Variants in IARS1 observed in about 807,000 individuals in gnomAD.
IARS1 encodes the protein isoleucyl-tRNA synthetase 1.
In IARS1, 124 loss-of-function variants were observed where a neutral mutation model predicts 168.2. The observed-to-expected ratio is 0.74, with a 90% CI of 0.64 to 0.86. The LOEUF is 0.86. Among genes scored for constraint, IARS1 ranks in the 40% least tolerant of loss-of-function variants. IARS1 has a pLI of 0.00. For synonymous variants in IARS1, 532 were observed against 529.4 expected (o/e 1.00, Z -0.07); for missense variants, 1,452 against 1,515.8 (o/e 0.96, Z 0.70).
chr9:92,215,213 T>C (rs928204660), intron 33 of IARS1, among the ~76,000 whole-genome samples: 9 of 152,230 alleles, frequency 5.9e-5, no homozygotes, highest in Admixed American at 5.2e-4. Context: ...TTGAGGGTCC[T>C]GTCTGTCAGA....
intron 20 of IARS1, among the ~76,000 whole-genome samples, chr9:92,254,226 T>C (rs1184059247): frequency 2.0e-5 from 3 of 152,116 alleles, no homozygotes; most frequent in Admixed American, 6.6e-5. Flanking sequence ...ATTTGAAGAG[T>C]TCCCTGAGAA....
In IARS1 at chr9:92,250,254, AC is replaced by A. The variant is rs1829819066; in HGVS notation, c.2464del (p.Val822TyrfsTer7). ...TTCAATCACAGACTGCATCTGAGATACTGCACTCTCTGTTTTCTTGTCAATC... is the reference window on the plus strand; with the variant it reads ...TTCAATCACAGACTGCATCTGAGATATGCACTCTCTGTTTTCTTGTCAATC... ...ELIDKKTESA[V>X]SQMQSVIELG... On this transcript the variant is annotated frameshift_variant, in exon 24 of 34. Coordinates refer to ENST00000443024, the MANE Select transcript of IARS1 (RefSeq NM_002161.6). LOFTEE classifies it high-confidence loss of function. 1 of 1,610,940 alleles carries A rather than the reference AC, an allele frequency of 6.2e-7. No individual in the cohort carries two copies. Among genetic ancestry groups the A allele is most frequent in the African/African-American group, 1.3e-5 (1 of 74,884 alleles).
intron 21 of IARS1, among the ~76,000 whole-genome samples, chr9:92,252,957 T>C (rs1346311292): frequency 6.6e-6 from 1 of 151,954 alleles, no homozygotes; most frequent in African/African-American, 2.4e-5. Flanking sequence ...AGAGGAGTTC[T>C]GTCCACAGTA....
chr9:92,276,623 CT>C (rs894748300), intron 9 of IARS1, among the ~76,000 whole-genome samples: 10 of 152,178 alleles, frequency 6.6e-5, no homozygotes, highest in African/African-American at 2.4e-4. Flanking sequence ...CAGAGGTCTC[CT>C]TAATCAACCA....
chr9:92,248,654 A>AC (rs1241842936), intron 25 of IARS1, among the ~76,000 whole-genome samples: 1 of 139,494 alleles, frequency 7.2e-6, no homozygotes, highest in Admixed American at 7.1e-5. Flanking sequence ...CCCTGTCACA[A>AC]AAAAAAAAAA....
intron 2 of IARS1, 135 bp downstream of exon 2, chr9:92,289,166 C>T (rs1835918115): frequency 3.9e-6 from 2 of 506,628 alleles, no homozygotes; most frequent in Admixed American, 7.4e-5. Context: ...GAGATTGCAC[C>T]ACTGCCCTCC....
At position 92,263,046 on chromosome 9, in the gene IARS1, G is replaced by A; in HGVS notation, c.1710C>T (p.Thr570=). The A allele has an allele frequency of 6.2e-7, 1 of 1,613,122 alleles. No homozygotes were observed. The highest frequency in any genetic ancestry group is 8.5e-7 in the Non-Finnish European group (1 of 1,179,408). The change falls in exon 17 of 34, where the codon ACC becomes ACT. Residue 570 remains threonine (T), a synonymous_variant. Transcript: ENST00000443024. ...GIDQTRGWFY[T]LLVLATALFG... ...AGAGGGCCGTGGCCAGCACCAGCAGGGTATAAAACCTGAAAAAAAACCCCA... is the reference window on the plus strand; with the variant it reads ...AGAGGGCCGTGGCCAGCACCAGCAGAGTATAAAACCTGAAAAAAAACCCCA...
rs2133897676 is a variant in IARS1 at position 92,274,524 on chromosome 9, GGAAA to G, written c.895-7_895-4del. The G allele has an allele frequency of 6.2e-7, 1 of 1,606,322 alleles. No individual in the cohort carries two copies. The highest frequency in any genetic ancestry group is 8.5e-7 in the Non-Finnish European group (1 of 1,173,170). On this transcript the variant is annotated splice_region_variant and splice_polypyrimidine_tract_variant and intron_variant, in intron 9 of 33. Coordinates refer to ENST00000443024, the MANE Select transcript of IARS1 (RefSeq NM_002161.6). ...GTGAAAGCGCCATTCTCTTTACACT[GGAAA>G]GAAAGGACAGCAGGCTTCAGGGATG...
At chr9:92,286,161 G>C (rs1005902500) in intron 5 of IARS1, 24 of 282,164 alleles carry the variant, frequency 8.5e-5, no homozygotes, top group African/African-American at 4.1e-4. Context: ...TAGGTCAGAA[G>C]TTCGAGACCA....
At chr9:92,230,423 T>C (rs1826484927) in intron 30 of IARS1, among the ~76,000 whole-genome samples, 1 of 152,194 alleles carries the variant, frequency 6.6e-6, no homozygotes. Flanking sequence ...TCAGTTGGCA[T>C]CAATTTCTAA....
intron 17 of IARS1, 132 bp from the exon 18 acceptor site, chr9:92,260,366 T>G: frequency 1.4e-6 from 1 of 717,544 alleles, no homozygotes; most frequent in South Asian, 1.6e-5. Flanking sequence ...TAGAAGTTAG[T>G]GCTAATAGGC....
rs1828982280 is a variant in IARS1, at chr9:92,245,039, C to A, written c.2824G>T (p.Asp942Tyr). Residue 942 changes from aspartate to tyrosine, a missense_variant, in exon 27 of 34, where the codon GAT (aspartate) becomes TAT (tyrosine). Asp to Tyr is a radical substitution (Grantham distance 160). Coordinates refer to ENST00000443024, the MANE Select transcript of IARS1 (RefSeq NM_002161.6). ...GTGTACATGAGGCGGATGTCTTCATCGTGCAATTCATGGCCTTCCACAACA... is the reference window on the plus strand; with the variant it reads ...GTGTACATGAGGCGGATGTCTTCATAGTGCAATTCATGGCCTTCCACAACA... The part of the protein sequence containing the change: ...TIVVEGHELH[D>Y]EDIRLMYTFD... 1.2e-6 allele frequency: 2 copies of A among 1,614,052 alleles called. No individual in the cohort carries two copies. Among genetic ancestry groups the A allele is most frequent in the African/African-American group, 2.7e-5 (2 of 74,926 alleles).
intron 30 of IARS1, among the ~76,000 whole-genome samples, chr9:92,235,513 ATTTTT>A (rs558342421): frequency 1.3e-4 from 15 of 114,202 alleles, no homozygotes; most frequent in African/African-American, 3.9e-4. Flanking sequence ...AATTACATTG[ATTTTT>A]TTTTTTTTTT....
chr9:92,267,654 C>A (rs1397703417), intron 14 of IARS1, among the ~76,000 whole-genome samples: 2 of 152,166 alleles, frequency 1.3e-5, no homozygotes, highest in Non-Finnish European at 2.9e-5. Flanking sequence ...CCATCACACC[C>A]GGCCTAAAGT....
At chr9:92,244,315 G>C (rs1397942068) in intron 27 of IARS1, among the ~76,000 whole-genome samples, 1 of 152,116 alleles carries the variant, frequency 6.6e-6, no homozygotes, top group Non-Finnish European at 1.5e-5. Context: ...TTAAGCGCCT[G>C]GGTAAAGGAC....
At chr9:92,211,279 G>T (rs1837706034) in intron 33 of IARS1, among the ~76,000 whole-genome samples, 1 of 152,126 alleles carries the variant, frequency 6.6e-6, no homozygotes, top group Non-Finnish European at 1.5e-5. Context: ...AGCTTCCCTG[G>T]TTGGTAATAT....
intron 4 of IARS1, 40 bp downstream of exon 4, chr9:92,287,751 T>G: frequency 6.3e-7 from 1 of 1,586,156 alleles, no homozygotes; most frequent in Non-Finnish European, 8.6e-7. Flanking sequence ...ATTTAGTAAC[T>G]ACATTTGCTG....
chr9:92,256,742 G>C lies in IARS1; in HGVS notation c.2075C>G (p.Thr692Arg). The C allele has an allele frequency of 6.2e-7, 1 of 1,613,828 alleles. No individual in the cohort carries two copies. Among genetic ancestry groups the C allele is most frequent in the African/African-American group, 1.3e-5 (1 of 75,048 alleles). The change falls in exon 20 of 34, where the codon ACA (threonine) becomes AGA (arginine). Residue 692 changes from threonine to arginine, a missense_variant. Physicochemically the swap from Thr to Arg is moderately conservative, Grantham distance 71. Transcript: ENST00000443024. ...ENTVRESPNI[T>R]DRWILSFMQS... The stretch of plus-strand genomic sequence containing the variant: ...CATGAAGGACAGGATCCACCGGTCT[G>C]TAATGTTGGGGCTTTCTCTAACCGT...
At chr9:92,284,032 G>A (rs1205498625) in intron 6 of IARS1, among the ~76,000 whole-genome samples, 4 of 152,082 alleles carry the variant, frequency 2.6e-5, no homozygotes, top group African/African-American at 7.2e-5. Context: ...ACATAAATTA[G>A]CCAGGTATGG....
Sources: allele counts gnomAD v4.1 joint callset (sites outside exome capture counted in the v4.1 genomes callset), GRCh38; gene constraint gnomAD v4.1.1; transcripts MANE v1.5; gene names NCBI Gene and HGNC (gene_info 2026-07-23, HGNC 2026-07-21).